The following KIF26B variants were observed in gnomAD, a reference collection of about 807,000 sequenced individuals.
KIF26B encodes kinesin family member 26B, also known as kinesin-like protein KIF26B.
Under a neutral mutation model 151.2 loss-of-function variants are expected in KIF26B, and 63 were observed. The observed-to-expected ratio is 0.42, with a 90% CI of 0.34 to 0.51. The LOEUF (loss-of-function observed/expected upper bound fraction) is 0.51, where lower values mean the gene tolerates loss of function less well. Ranked by LOEUF, KIF26B falls within the 20% of genes least tolerant of loss-of-function variation. KIF26B has a pLI of 0.07. For synonymous variants in KIF26B, 1,357 were observed against 1,262.1 expected (o/e 1.08, Z -1.59); for missense variants, 2,813 against 2,913.6 (o/e 0.97, Z 0.79).
chr1:245,194,418 A>G (rs1669158474), intron 2 of KIF26B, among the ~76,000 whole-genome samples: 1 of 151,984 alleles, frequency 6.6e-6, no homozygotes, highest in East Asian at 1.9e-4. Flanking sequence ...TTCTTTTTGG[A>G]CACAGAGTCT....
intron 2 of KIF26B, among the ~76,000 whole-genome samples, chr1:245,258,943 T>C (rs187256646): frequency 2.0e-5 from 3 of 152,080 alleles, no homozygotes; most frequent in Admixed American, 1.3e-4. Context: ...GCATGAAGAG[T>C]AAAAGCAAGG....
intron 2 of KIF26B, among the ~76,000 whole-genome samples, chr1:245,338,005 A>G (rs1229434928): frequency 6.6e-6 from 1 of 152,250 alleles, no homozygotes; most frequent in Non-Finnish European, 1.5e-5. Context: ...GAGAGGGGAC[A>G]GAAAGCAGAC....
chr1:245,594,356 G>A (rs1366208331), intron 5 of KIF26B, among the ~76,000 whole-genome samples: 1 of 152,136 alleles, frequency 6.6e-6, no homozygotes, highest in East Asian at 1.9e-4. Context: ...TAAGGTATAA[G>A]GAAGGGGTCC....
intron 10 of KIF26B, among the ~76,000 whole-genome samples, chr1:245,652,206 C>T (rs1384676248): frequency 1.3e-5 from 2 of 150,586 alleles, no homozygotes; most frequent in African/African-American, 2.4e-5. Flanking sequence ...ATTTTCTCCC[C>T]CTGATTTACA....
At chr1:245,168,065 T>C (rs554776056) in intron 2 of KIF26B, among the ~76,000 whole-genome samples, 5 of 152,312 alleles carry the variant, frequency 3.3e-5, no homozygotes, top group Admixed American at 1.3e-4. Context: ...CTGTGCTTGA[T>C]TTTTCTTTTG....
At position 245,194,952 on chromosome 1, in the gene KIF26B, CAT is replaced by C. The variant is rs1287727354; in HGVS notation, c.465+38275_465+38276del. On this transcript the variant is annotated intron_variant, in intron 2 of 14. Coordinates refer to ENST00000407071, the MANE Select transcript of KIF26B (RefSeq NM_018012.4). Reference sequence around the variant, plus strand: ...GCCCAAGGTTACTATATAATCTAAACATATATAAGGCTCCAAGGCATTTAGCT... The same window carrying C: ...GCCCAAGGTTACTATATAATCTAAACATATAAGGCTCCAAGGCATTTAGCT... Among the ~76,000 whole-genome samples the C allele has an allele frequency of 2.0e-4, 30 of 152,256 alleles. No individual in the cohort carries two copies. The East Asian group carries it at 5.8e-3, about 29-fold the overall frequency.
At chr1:245,254,357 T>C (rs1670498284) in intron 2 of KIF26B, among the ~76,000 whole-genome samples, 1 of 152,208 alleles carries the variant, frequency 6.6e-6, no homozygotes, top group Non-Finnish European at 1.5e-5. Flanking sequence ...CGTTGTAACT[T>C]TCCAGAGCAA....
At chr1:245,386,427 G>A (rs1673547816) in intron 3 of KIF26B, among the ~76,000 whole-genome samples, 1 of 152,102 alleles carries the variant, frequency 6.6e-6, no homozygotes, top group African/African-American at 2.4e-5. Context: ...GGGGGCCGGG[G>A]GCTATGACCC....
rs773997316 is a variant in KIF26B at position 245,279,500 on chromosome 1, G to A, written c.466-87334G>A. 7.2e-4 allele frequency among the ~76,000 whole-genome samples: 109 copies of A among 151,784 alleles called. 1 individual carries two copies. The highest frequency in any genetic ancestry group is 1.2e-3 in the Admixed American group (19 of 15,232). On this transcript the variant is annotated intron_variant, in intron 2 of 14. Transcript: ENST00000407071. ...TTTTGTAAATTTTTTGTAGAGATGC[G>A]GTTTTGCCATCTTGCCCAAGCTGGT...
chr1:245,232,889 A>G (rs1670027663), intron 2 of KIF26B, among the ~76,000 whole-genome samples: 1 of 152,126 alleles, frequency 6.6e-6, no homozygotes, highest in Admixed American at 6.6e-5. Context: ...GCACATCAAT[A>G]TGTGATTTGG....
intron 4 of KIF26B, among the ~76,000 whole-genome samples, chr1:245,504,941 T>C (rs984841830): frequency 1.3e-5 from 2 of 152,148 alleles, no homozygotes; most frequent in Non-Finnish European, 2.9e-5. Flanking sequence ...AGCAATAAAA[T>C]ACTTTTTTAT....
intron 3 of KIF26B, among the ~76,000 whole-genome samples, chr1:245,382,554 T>TGTGTGTG (rs77670953): frequency 1.5e-4 from 22 of 150,014 alleles, no homozygotes; most frequent in African/African-American, 5.2e-4. Flanking sequence ...TGTGTGTGTG[T>TGTGTGTG]TTTGTTTCTT....
intron 4 of KIF26B, among the ~76,000 whole-genome samples, chr1:245,492,996 G>A (rs1198871442): frequency 6.6e-6 from 1 of 152,112 alleles, no homozygotes; most frequent in Non-Finnish European, 1.5e-5. Flanking sequence ...GGCCAGGATG[G>A]TCTTGATCTC....
At chr1:245,612,905 C>T (rs1234803452) in intron 9 of KIF26B, among the ~76,000 whole-genome samples, 1 of 152,076 alleles carries the variant, frequency 6.6e-6, no homozygotes, top group East Asian at 1.9e-4. Context: ...CAAAGTCAGC[C>T]CGGGCTGGGG....
intron 4 of KIF26B, 62 bp downstream of exon 4, chr1:245,419,807 T>G (rs534717453): frequency 4.5e-4 from 651 of 1,437,974 alleles, no homozygotes; most frequent in Non-Finnish European, 5.5e-4. Flanking sequence ...GCCCCTCACG[T>G]GGACTAGCTC....
At chr1:245,699,711 A>G (rs1469080162) in intron 14 of KIF26B, among the ~76,000 whole-genome samples, 3 of 152,162 alleles carry the variant, frequency 2.0e-5, no homozygotes, top group Non-Finnish European at 2.9e-5. Context: ...ATGCTGGAAG[A>G]CTCAGTCTGT....
intron 4 of KIF26B, among the ~76,000 whole-genome samples, chr1:245,494,297 A>T (rs1660467119): frequency 8.8e-6 from 1 of 113,352 alleles, no homozygotes; most frequent in Non-Finnish European, 1.9e-5. Context: ...CAAGACCAAA[A>T]CTCTGTCTCA....
intron 9 of KIF26B, among the ~76,000 whole-genome samples, chr1:245,613,715 C>T (rs997373281): frequency 5.9e-5 from 9 of 152,208 alleles, no homozygotes; most frequent in South Asian, 2.1e-4. Flanking sequence ...GGAGAGAGCT[C>T]TTTGCGGGCT....
chr1:245,300,468 C>G (rs887118663), intron 2 of KIF26B, among the ~76,000 whole-genome samples: 1 of 152,060 alleles, frequency 6.6e-6, no homozygotes, highest in Non-Finnish European at 1.5e-5. Flanking sequence ...GTTCAAGTTC[C>G]TCTTAAAACA....
Sources: allele counts gnomAD v4.1 joint callset (sites outside exome capture counted in the v4.1 genomes callset), GRCh38; gene constraint gnomAD v4.1.1; transcripts MANE v1.5; gene names NCBI Gene and HGNC (gene_info 2026-07-23, HGNC 2026-07-21).